The following RPS3 variants were observed in gnomAD, a reference collection of about 807,000 sequenced individuals.
The protein encoded by RPS3 is small ribosomal subunit protein uS3.
In RPS3, 2 loss-of-function variants were observed where a neutral mutation model predicts 25.8. The ratio of observed to expected loss-of-function variants is 0.08; its 90% CI spans 0.03 to 0.24. The LOEUF is 0.24. RPS3 is among the 10% of genes least tolerant of loss of function. The probability of loss-of-function intolerance (pLI) is 1.00; values close to 1 mark genes in which losing one functional copy is unlikely to be tolerated. For missense variants in RPS3, 107 were observed against 307.1 expected (o/e 0.35, Z 4.87); for synonymous variants, 114 against 114.2 (o/e 1.00, Z 0.01).
At chr11:75,419,759 C>T (rs185163249) in intron 6 of RPS3, among the ~76,000 whole-genome samples, 120 of 152,042 alleles carry the variant, frequency 7.9e-4, no homozygotes, top group African/African-American at 2.8e-3. Flanking sequence ...TCAGCCTCCC[C>T]GGTAGCTGGG....
chr11:75,421,042 C>T (rs941084650), intron 6 of RPS3, among the ~76,000 whole-genome samples: 2 of 152,078 alleles, frequency 1.3e-5, no homozygotes, highest in South Asian at 4.1e-4. Context: ...CTGGGTAGGC[C>T]AGTGATATGA....
intron 6 of RPS3, among the ~76,000 whole-genome samples, chr11:75,419,181 C>T (rs1565169323): frequency 6.6e-6 from 1 of 152,120 alleles, no homozygotes; most frequent in Admixed American, 6.5e-5. Context: ...TTTTATCACA[C>T]AGTATTGTGT....
downstream of RPS3, among the ~76,000 whole-genome samples, chr11:75,409,966 C>T (rs1259935902): frequency 5.1e-4 from 67 of 131,284 alleles, no homozygotes; most frequent in Non-Finnish European, 8.7e-4. Context: ...CCCTCCCGGA[C>T]GGGGCGGCTG....
At chr11:75,422,208 A>G (rs572953922) in exon 7 of RPS3, 1 of 175,748 alleles carries the variant, frequency 5.7e-6, no homozygotes, top group African/African-American at 2.4e-5. Flanking sequence ...TTTAGGAAGC[A>G]GAGAGCCCTC....
At chr11:75,414,701 A>ACTGGGAG (rs1174647174) in intron 6 of RPS3, among the ~76,000 whole-genome samples, 2 of 152,218 alleles carry the variant, frequency 1.3e-5, no homozygotes, top group African/African-American at 2.4e-5. Flanking sequence ...CTGCTGACAG[A>ACTGGGAG]CTGGGAGCTG....
chr11:75,417,470 A>G (rs1018715180), intron 6 of RPS3, among the ~76,000 whole-genome samples: 28 of 152,094 alleles, frequency 1.8e-4, no homozygotes, highest in African/African-American at 5.8e-4. Flanking sequence ...GGTGGCGGGC[A>G]CCTGTAGTCC....
chr11:75,418,492 AG>A (rs1040512164), intron 6 of RPS3, among the ~76,000 whole-genome samples: 14 of 152,360 alleles, frequency 9.2e-5, no homozygotes, highest in African/African-American at 3.4e-4. Context: ...GGGAAAAAAA[AG>A]GTAAAAAAAT....
In RPS3 at chr11:75,404,009, T is replaced by G; in HGVS notation, c.351-11T>G. The G allele has an allele frequency of 1.2e-6, 2 of 1,610,572 alleles. No individual in the cohort carries two copies. The highest frequency in any genetic ancestry group is 1.7e-6 in the Non-Finnish European group (2 of 1,179,074). On this transcript the variant is annotated splice_polypyrimidine_tract_variant and intron_variant, in intron 4 of 6. Coordinates refer to ENST00000531188, the MANE Select transcript of RPS3 (RefSeq NM_001005.5). This position sits in a 1 kb window ranked among gnomAD's most constrained non-coding sequence, Gnocchi z 4.6. ...GCAATAACACAGTGGCTCTCTTCTG[T>G]TCTTTTAAAGGGCCTGCTATGGTGT...
At chr11:75,416,500 T>C (rs2508620) in intron 6 of RPS3, among the ~76,000 whole-genome samples, 95,413 of 147,644 alleles carry the variant, frequency 0.65, 32,137 homozygotes, top group African/African-American at 0.84. Context: ...TCACTGTCAC[T>C]TAGGCTGGAG....
chr11:75,400,563 G>C (rs768847359), intron 1 of RPS3, 131 bp from the exon 2 acceptor site: 3 of 1,325,642 alleles, frequency 2.3e-6, no homozygotes, highest in Non-Finnish European at 3.2e-6. Flanking sequence ...GTTGGAACAA[G>C]GGTTTGGAAC....
downstream of RPS3, among the ~76,000 whole-genome samples, chr11:75,409,720 C>T (rs370261145): frequency 1.3e-5 from 2 of 148,782 alleles, no homozygotes; most frequent in South Asian, 2.2e-4. Flanking sequence ...CAGACGGGGT[C>T]GTGGCCGGGC....
chr11:75,408,583 G>T (rs546193759), downstream of RPS3, among the ~76,000 whole-genome samples: 4 of 151,988 alleles, frequency 2.6e-5, no homozygotes, highest in South Asian at 6.2e-4. Context: ...CAAGTGGGAG[G>T]TTTTTTTTCT....
downstream of RPS3, among the ~76,000 whole-genome samples, chr11:75,410,128 A>ACCTCCCTC (rs1201488183): frequency 1.4e-5 from 1 of 73,762 alleles, no homozygotes; most frequent in Non-Finnish European, 2.5e-5. Context: ...CTGACCCCAC[A>ACCTCCCTC]CCTCCCTCCC....
intron 6 of RPS3, among the ~76,000 whole-genome samples, chr11:75,419,486 G>A (rs527328392): frequency 5.9e-5 from 9 of 151,880 alleles, no homozygotes; most frequent in African/African-American, 1.7e-4. Flanking sequence ...CCCAAGAGGC[G>A]GAGGTTGCAG....
intron 6 of RPS3, among the ~76,000 whole-genome samples, chr11:75,414,455 C>CA (rs1317502546): frequency 1.3e-5 from 2 of 152,018 alleles, no homozygotes; most frequent in Non-Finnish European, 2.9e-5. Context: ...ACTAAAAATA[C>CA]AAAAAATTAG....
At chr11:75,410,691 G>A (rs1465488024), downstream of RPS3, among the ~76,000 whole-genome samples, 12 of 151,666 alleles carry the variant, frequency 7.9e-5, no homozygotes, top group African/African-American at 2.9e-4. Context: ...TCCAGCCTGG[G>A]CACCATTGAG....
chr11:75,408,665 C>G (rs1204153699), downstream of RPS3, among the ~76,000 whole-genome samples: 1 of 151,978 alleles, frequency 6.6e-6, no homozygotes, highest in Non-Finnish European at 1.5e-5. Flanking sequence ...GCAACCTCAG[C>G]CTCCTGAGTA....
At position 75,405,681 on chromosome 11, in the gene RPS3, A is replaced by T; in HGVS notation, c.*71A>T. On this transcript the variant is annotated 3_prime_UTR_variant, in exon 7 of 7. Coordinates refer to ENST00000531188, the MANE Select transcript of RPS3 (RefSeq NM_001005.5). ...CTAAAGACCTTTAATAAAATTTTGTACAAAGACACAAGGTCTGACTAGACT... is the reference window on the plus strand; with the variant it reads ...CTAAAGACCTTTAATAAAATTTTGTTCAAAGACACAAGGTCTGACTAGACT... The T allele has an allele frequency of 2.2e-6, 1 of 456,128 alleles. No individual in the cohort carries two copies. Among genetic ancestry groups the T allele is most frequent in the Non-Finnish European group, 4.4e-6 (1 of 226,884 alleles). 28.3% of individuals were successfully genotyped at this position (456,128 alleles called of 1,614,324 possible).
At chr11:75,409,298 A>G (rs1948319924), downstream of RPS3, among the ~76,000 whole-genome samples, 1 of 141,402 alleles carries the variant, frequency 7.1e-6, no homozygotes, top group South Asian at 2.3e-4. Context: ...AAGTGAACAA[A>G]GGTCTCTGGT....
Sources: allele counts gnomAD v4.1 joint callset (sites outside exome capture counted in the v4.1 genomes callset), GRCh38; gene constraint gnomAD v4.1.1; non-coding constraint Gnocchi (gnomAD v3.1); transcripts MANE v1.5; gene names NCBI Gene and HGNC (gene_info 2026-07-23, HGNC 2026-07-21).